Variants in MAMDC2 observed in about 807,000 individuals in gnomAD.
The protein encoded by MAMDC2 is MAM domain containing 2, also known as MAM domain-containing protein 2.
Under a neutral mutation model 89.8 loss-of-function variants are expected in MAMDC2, and 57 were observed. That is an observed-to-expected ratio of 0.63 (90% CI 0.51 to 0.79). The LOEUF is 0.79. Among genes scored for constraint, MAMDC2 ranks in the 30% least tolerant of loss-of-function variants. The probability of loss-of-function intolerance (pLI) is 0.00; values close to 1 mark genes in which losing one functional copy is unlikely to be tolerated. For synonymous variants in MAMDC2, 313 were observed against 293.4 expected, an observed-to-expected ratio of 1.07 and a Z score of -0.68; for missense variants, 800 against 820.6, an observed-to-expected ratio of 0.97 and a Z score of 0.31.
chr9:70,206,514 A>G (rs1291947529), intron 11 of MAMDC2, among the ~76,000 whole-genome samples: 1 of 152,220 alleles, frequency 6.6e-6, no homozygotes, highest in Non-Finnish European at 1.5e-5. Context: ...AAATTATTCA[A>G]GAAAAGTAGT....
At chr9:70,089,163 A>G (rs1005889652) in intron 2 of MAMDC2, 2 of 152,116 alleles carry the variant, frequency 1.3e-5, no homozygotes, top group African/African-American at 4.8e-5. Flanking sequence ...TCTGTCAGCT[A>G]CACTATTACC....
intron 11 of MAMDC2, among the ~76,000 whole-genome samples, chr9:70,178,126 A>C (rs1176501377): frequency 6.6e-6 from 1 of 152,118 alleles, no homozygotes; most frequent in Non-Finnish European, 1.5e-5. Flanking sequence ...ATGTATTGGC[A>C]CTCAGATTGC....
chr9:70,069,368 C>A (rs2118074967), intron 2 of MAMDC2, among the ~76,000 whole-genome samples: 1 of 152,260 alleles, frequency 6.6e-6, no homozygotes, highest in African/African-American at 2.4e-5. Flanking sequence ...TATAGCACAA[C>A]TTTCTTATGC....
chr9:70,091,259 G>T lies in MAMDC2; in HGVS notation c.149-16952G>T, dbSNP rs918244646. Among the ~76,000 whole-genome samples the T allele has an allele frequency of 3.3e-5, 5 of 152,130 alleles. No homozygotes were observed. The South Asian group carries it at 1.0e-3, about 32-fold the overall frequency. On this transcript the variant is annotated intron_variant, in intron 2 of 13. Coordinates refer to ENST00000377182, the MANE Select transcript of MAMDC2 (RefSeq NM_153267.5). ...AACACTGAGAGACATCATTTGTGTG[G>T]TTTTTGCCACCCTCTTTTCTTGCTC... is the stretch of plus-strand genomic sequence containing the variant.
intron 2 of MAMDC2, among the ~76,000 whole-genome samples, chr9:70,068,450 G>A (rs548151319): frequency 6.6e-6 from 1 of 152,108 alleles, no homozygotes; most frequent in South Asian, 2.1e-4. Context: ...AGGTACAGTG[G>A]CTCATGCCTG....
intron 2 of MAMDC2, among the ~76,000 whole-genome samples, chr9:70,046,453 A>G (rs1401947006): frequency 6.6e-6 from 1 of 152,214 alleles, no homozygotes; most frequent in African/African-American, 2.4e-5. Context: ...AGAAAAGGAA[A>G]TCAACATCAT....
At chr9:70,129,423 A>T (rs1434049500) in intron 6 of MAMDC2, among the ~76,000 whole-genome samples, 2 of 152,160 alleles carry the variant, frequency 1.3e-5, no homozygotes, top group Non-Finnish European at 1.5e-5. Context: ...TTTCCAGTAT[A>T]AATTACCCAG....
chr9:70,071,466 T>G (rs1034610936), intron 2 of MAMDC2: 1 of 152,218 alleles, frequency 6.6e-6, no homozygotes, highest in African/African-American at 2.4e-5. Flanking sequence ...TTGAAATGAC[T>G]GCTTATTTAA....
intron 6 of MAMDC2, among the ~76,000 whole-genome samples, chr9:70,128,571 G>C (rs1411757147): frequency 1.3e-5 from 2 of 152,138 alleles, no homozygotes; most frequent in African/African-American, 4.8e-5. Context: ...ACCGAGGGCT[G>C]GAGAAGAATG....
chr9:70,142,803 G>A (rs971865584), intron 8 of MAMDC2, among the ~76,000 whole-genome samples: 2 of 152,100 alleles, frequency 1.3e-5, no homozygotes, highest in Non-Finnish European at 2.9e-5. Flanking sequence ...AAAGAAAACT[G>A]ACAGGAGGAG....
chr9:70,079,059 C>A (rs1827598454), intron 2 of MAMDC2, among the ~76,000 whole-genome samples: 1 of 152,126 alleles, frequency 6.6e-6, no homozygotes, highest in South Asian at 2.1e-4. Context: ...ACAGAGGGAG[C>A]CATCTTCTGG....
intron 11 of MAMDC2, among the ~76,000 whole-genome samples, chr9:70,209,382 T>C (rs905484748): frequency 4.6e-5 from 7 of 152,220 alleles, no homozygotes; most frequent in Non-Finnish European, 8.8e-5. Flanking sequence ...TTGAGGAATT[T>C]ATCCATTTCT....
intron 2 of MAMDC2, 132 bp from the exon 3 acceptor site, chr9:70,108,078 AG>A (rs757730947): frequency 2.4e-6 from 2 of 825,154 alleles, no homozygotes; most frequent in Non-Finnish European, 3.7e-6. Flanking sequence ...TCCAGTGTTC[AG>A]GCAACTTTCA....
chr9:70,217,175 C>G, intron 11 of MAMDC2: 1 of 683,596 alleles, frequency 1.5e-6, no homozygotes, highest in East Asian at 2.5e-5. Flanking sequence ...CATCTTTTCT[C>G]TTCCCGTGGA....
intron 2 of MAMDC2, among the ~76,000 whole-genome samples, chr9:70,079,557 A>C (rs962936891): frequency 2.6e-5 from 4 of 152,174 alleles, no homozygotes; most frequent in Admixed American, 2.0e-4. Flanking sequence ...GTTATGAATC[A>C]AAGCCAAGGG....
At chr9:70,100,392 C>T in intron 2 of MAMDC2, among the ~76,000 whole-genome samples, 1 of 152,158 alleles carries the variant, frequency 6.6e-6, no homozygotes, top group East Asian at 1.9e-4. Flanking sequence ...ACAGCAGGAC[C>T]TGATCCAGGG....
rs773473717 is a variant in MAMDC2, at chr9:70,143,568, G to T, written c.1153G>T (p.Ala385Ser). ...HTTGLGYYLL[A>S]NTKFTSQPGY... ...CTTCTTTGCAGGGTATTACCTGCTA[G>T]CCAACACAAAGTTCACATCTCAGCC... The change falls in exon 9 of 14, where the codon GCC (alanine) becomes TCC (serine). Residue 385 changes from alanine to serine, a missense_variant. Physicochemically the swap from Ala to Ser is moderately conservative, Grantham distance 99. Coordinates refer to ENST00000377182, the MANE Select transcript of MAMDC2 (RefSeq NM_153267.5). The T allele has an allele frequency of 1.2e-6, 2 of 1,614,048 alleles. No individual in the cohort carries two copies. The highest frequency in any genetic ancestry group is 1.7e-6 in the Non-Finnish European group (2 of 1,179,990).
chr9:70,108,631 G>C (rs1050069583), intron 3 of MAMDC2, 149 bp downstream of exon 3: 1 of 621,700 alleles, frequency 1.6e-6, no homozygotes. Context: ...AAGAATATTA[G>C]CAATGGAAAT....
chr9:70,200,532 C>T (rs373211577), intron 11 of MAMDC2, among the ~76,000 whole-genome samples: 7,047 of 151,654 alleles, frequency 0.046, 192 homozygotes, highest in South Asian at 0.073. Context: ...CTTGGCGATG[C>T]GGGCTCTTTT....
Sources: gnomAD v4.1 joint callset for allele counts (sites outside exome capture counted in the v4.1 genomes callset) on GRCh38, gnomAD v4.1.1 for gene constraint, MANE v1.5 for transcripts, NCBI Gene and HGNC (gene_info 2026-07-23, HGNC 2026-07-21) for gene names.